Variants in FAM117A observed in about 807,000 individuals in gnomAD.
FAM117A encodes family with sequence similarity 117 member A, also known as protein FAM117A.
A neutral mutation model predicts 44.1 loss-of-function variants in FAM117A; 21 were observed. The ratio of observed to expected loss-of-function variants is 0.48; its 90% CI spans 0.34 to 0.69. FAM117A has a LOEUF of 0.69. Ranked by LOEUF, FAM117A falls within the 30% of genes least tolerant of loss-of-function variation. FAM117A has a pLI of 0.01. For missense variants in FAM117A, 498 were observed against 589.9 expected (o/e 0.84, Z 1.61); for synonymous variants, 220 against 238.3 (o/e 0.92, Z 0.71).
upstream of FAM117A, among the ~76,000 whole-genome samples, chr17:49,767,632 TGGTGG>T: frequency 6.6e-6 from 1 of 152,152 alleles, no homozygotes. Context: ...TGGCTGGGTG[TGGTGG>T]CTCACGCCTG....
At position 49,720,361 on chromosome 17, in the gene FAM117A, G is replaced by T. The variant is rs371925242; in HGVS notation, c.538C>A (p.Leu180Ile). ...CCCCGCACTGCGTGGTCCCCTAGGA[G>T]TGGTGAACCTCGCTCCTTCTCTTTC... ...SGKEKERGSP[L>I]LGDHAVRGAL... The change falls in exon 4 of 8, where the codon CTC (leucine) becomes ATC (isoleucine). Residue 180 changes from leucine (L) to isoleucine (I), a missense_variant. Around this residue, in one of 3 missense-constraint regions of FAM117A, gnomAD observed 270 missense variants for 277.4 expected, o/e 0.97. Coordinates refer to ENST00000240364, the MANE Select transcript of FAM117A (RefSeq NM_030802.4). 11 of 1,613,818 alleles carry T rather than the reference G, an allele frequency of 6.8e-6. No individual in the cohort carries two copies. Among genetic ancestry groups the T allele is most frequent in the African/African-American group, 1.3e-5 (1 of 74,930 alleles).
At chr17:49,774,153 C>CT in intron 1 of FAM117A, among the ~76,000 whole-genome samples, 1 of 152,076 alleles carries the variant, frequency 6.6e-6, no homozygotes, top group Non-Finnish European at 1.5e-5. Flanking sequence ...ATTTCTTTTT[C>CT]TTTTTTGAGA....
At chr17:49,751,812 C>T (rs376656316) in intron 1 of FAM117A, among the ~76,000 whole-genome samples, 1 of 150,716 alleles carries the variant, frequency 6.6e-6, no homozygotes, top group African/African-American at 2.4e-5. Flanking sequence ...GGCATGGTGG[C>T]GGGTGTCTGT....
At chr17:49,711,734 TA>T (rs1338848762) in intron 7 of FAM117A, among the ~76,000 whole-genome samples, 179 bp from the exon 8 acceptor site, 1 of 152,088 alleles carries the variant, frequency 6.6e-6, no homozygotes, top group African/African-American at 2.4e-5. Flanking sequence ...AAAATATGGC[TA>T]AACAACGGGA....
At chr17:49,780,266 T>C (rs1232301136) in intron 1 of FAM117A, among the ~76,000 whole-genome samples, 1 of 152,166 alleles carries the variant, frequency 6.6e-6, no homozygotes, top group Non-Finnish European at 1.5e-5. Flanking sequence ...AATGGCAAAA[T>C]GCAGTGTCAT....
chr17:49,763,123 TACAC>T (rs10603200), intron 1 of FAM117A, among the ~76,000 whole-genome samples: 11,187 of 140,974 alleles, frequency 0.079, 844 homozygotes, highest in African/African-American at 0.21. Context: ...TCCCCCCCGC[TACAC>T]ACACACACAC....
intron 2 of FAM117A, among the ~76,000 whole-genome samples, chr17:49,730,781 C>G (rs760547511): frequency 9.9e-5 from 15 of 152,170 alleles, no homozygotes; most frequent in Non-Finnish European, 1.6e-4. Context: ...AGGAAGGAAG[C>G]CTACTCTCTC....
chr17:49,788,491 A>C, intron 1 of FAM117A: 1 of 298,388 alleles, frequency 3.4e-6, no homozygotes, highest in Non-Finnish European at 6.2e-6. Flanking sequence ...AAACAGAGCC[A>C]CTCACGTAAC....
intron 5 of FAM117A, among the ~76,000 whole-genome samples, chr17:49,719,218 G>A (rs190486343): frequency 2.0e-5 from 3 of 151,860 alleles, no homozygotes; most frequent in South Asian, 2.1e-4. Context: ...CTGAGATCGC[G>A]CCACTGCACC....
At chr17:49,719,624 G>T in intron 5 of FAM117A, 136 bp downstream of exon 5, 2 of 1,068,106 alleles carry the variant, frequency 1.9e-6, no homozygotes, top group Non-Finnish European at 2.6e-6. Context: ...CATTCCTTTT[G>T]CAGGCTGGTG....
intron 1 of FAM117A, among the ~76,000 whole-genome samples, chr17:49,752,238 C>T (rs762337050): frequency 1.4e-4 from 21 of 152,146 alleles, no homozygotes; most frequent in Non-Finnish European, 2.6e-4. Flanking sequence ...TAAGGCCTTG[C>T]TATTTCCCTT....
intron 2 of FAM117A, among the ~76,000 whole-genome samples, chr17:49,728,102 C>T (rs898782420): frequency 6.6e-6 from 1 of 152,256 alleles, no homozygotes; most frequent in Non-Finnish European, 1.5e-5. Flanking sequence ...CTCAGATTTT[C>T]CATCATGGCC....
At chr17:49,763,654 G>A (rs2073732234) in intron 1 of FAM117A, among the ~76,000 whole-genome samples, 2 of 151,368 alleles carry the variant, frequency 1.3e-5, no homozygotes. Flanking sequence ...CATCTGCCAG[G>A]TCCCTCCCCT....
chr17:49,778,144 C>T (rs1242411055), intron 1 of FAM117A, among the ~76,000 whole-genome samples: 2 of 152,222 alleles, frequency 1.3e-5, no homozygotes, highest in East Asian at 3.8e-4. Context: ...AGGAACCCTT[C>T]TTGACCCTAT....
chr17:49,751,053 G>A (rs1206246833), intron 1 of FAM117A, among the ~76,000 whole-genome samples: 1 of 152,080 alleles, frequency 6.6e-6, no homozygotes, highest in African/African-American at 2.4e-5. Context: ...GCCGAGGCAG[G>A]CGGATCACCT....
At chr17:49,757,129 G>A (rs1027932832) in intron 1 of FAM117A, among the ~76,000 whole-genome samples, 1 of 151,778 alleles carries the variant, frequency 6.6e-6, no homozygotes, top group South Asian at 2.1e-4. Flanking sequence ...TTTTATTGGG[G>A]AGCTGGGAGC....
upstream of FAM117A, chr17:49,789,106 G>C (rs950314407): frequency 1.1e-5 from 4 of 369,462 alleles, no homozygotes; most frequent in Non-Finnish European, 2.0e-5. Flanking sequence ...GAAACGTCTG[G>C]AAGCATATTG....
intron 1 of FAM117A, among the ~76,000 whole-genome samples, chr17:49,744,069 G>T (rs2143757558): frequency 6.6e-6 from 1 of 152,284 alleles, no homozygotes; most frequent in Non-Finnish European, 1.5e-5. Context: ...AACAAACCAT[G>T]ACTTATTTTT....
At chr17:49,769,305 A>G (rs1276073215) in intron 1 of FAM117A, among the ~76,000 whole-genome samples, 1 of 151,712 alleles carries the variant, frequency 6.6e-6, no homozygotes, top group Non-Finnish European at 1.5e-5. Flanking sequence ...AAAAATAAAT[A>G]AATAAATAAA....
Sources: allele counts gnomAD v4.1 joint callset (sites outside exome capture counted in the v4.1 genomes callset), GRCh38; gene constraint gnomAD v4.1.1; regional missense constraint gnomAD v4.1.1; transcripts MANE v1.5; gene names NCBI Gene and HGNC (gene_info 2026-07-23, HGNC 2026-07-21).